GLCE: variants seen among roughly 807,000 people sequenced by gnomAD.
The protein encoded by GLCE is glucuronic acid epimerase, also known as D-glucuronyl C5-epimerase.
Under a neutral mutation model 47.9 loss-of-function variants are expected in GLCE, and 19 were observed. The observed-to-expected ratio is 0.40, with a 90% CI of 0.28 to 0.58. GLCE has a LOEUF of 0.58. GLCE is among the 20% of genes least tolerant of loss of function. The pLI is 0.48. For missense variants in GLCE, 556 were observed against 743.3 expected (o/e 0.75, Z 2.93); for synonymous variants, 245 against 263.4 (o/e 0.93, Z 0.68).
rs139514756 is a variant in GLCE, at chr15:69,236,968, C to T, written c.-13-18826C>T. ...TTTATAAAGGTCCCCACTTCCCAGT[C>T]TCTTGACCTGCCATTCTGTTAACTA... On this transcript the variant is annotated intron_variant, in intron 2 of 4. Coordinates refer to ENST00000261858, the MANE Select transcript of GLCE (RefSeq NM_015554.3). 7.1e-3 allele frequency among the ~76,000 whole-genome samples: 1,082 copies of T among 152,238 alleles called. 16 individuals are homozygous for T. The highest frequency in any genetic ancestry group is 0.025 in the African/African-American group (1,042 of 41,552).
intron 1 of GLCE, among the ~76,000 whole-genome samples, chr15:69,203,958 T>C (rs1368168467): frequency 6.6e-6 from 1 of 152,120 alleles, no homozygotes; most frequent in Non-Finnish European, 1.5e-5. Context: ...AAGGTACATG[T>C]AGGAACCAGA....
At chr15:69,218,924 A>G (rs548501833) in intron 2 of GLCE, among the ~76,000 whole-genome samples, 2 of 152,314 alleles carry the variant, frequency 1.3e-5, no homozygotes, top group South Asian at 4.1e-4. Context: ...AACTCTTAAA[A>G]TGATACTTAG....
At chr15:69,176,968 A>C (rs1168268869) in intron 1 of GLCE, among the ~76,000 whole-genome samples, 1 of 152,016 alleles carries the variant, frequency 6.6e-6, no homozygotes, top group Non-Finnish European at 1.5e-5. Flanking sequence ...TTGAACTATG[A>C]CTTTGAAAAA....
At chr15:69,191,987 C>G (rs924661584) in intron 1 of GLCE, among the ~76,000 whole-genome samples, 6 of 152,108 alleles carry the variant, frequency 3.9e-5, no homozygotes, top group African/African-American at 1.4e-4. Context: ...ACCTTTTTAC[C>G]TCTGGCTGCT....
At chr15:69,165,299 C>T (rs1195644722) in intron 1 of GLCE, among the ~76,000 whole-genome samples, 1 of 152,164 alleles carries the variant, frequency 6.6e-6, no homozygotes, top group Non-Finnish European at 1.5e-5. Context: ...CAAGGCCTTT[C>T]ATCATCTGAC....
chr15:69,228,985 A>G (rs760597740), intron 2 of GLCE, among the ~76,000 whole-genome samples: 14 of 152,190 alleles, frequency 9.2e-5, no homozygotes, highest in Admixed American at 2.0e-4. Flanking sequence ...AAACCAAAAT[A>G]TATTTCATTT....
chr15:69,268,255 A>G lies in GLCE; in HGVS notation c.865A>G (p.Thr289Ala), dbSNP rs2053113228. Residue 289 changes from threonine to alanine, a missense_variant, in exon 5 of 5, where the codon ACA (threonine) becomes GCA (alanine). By Grantham distance (58) the Thr-to-Ala change is moderately conservative. Around this residue, in one of 3 missense-constraint regions of GLCE, gnomAD observed 74 missense variants for 64.4 expected, o/e 1.15. Transcript: ENST00000261858. ...AGGTGTATCCTTGCAACTGGGAAAC[A>G]CAAAAGATTTTATTATTTCATTTGA... The part of the protein sequence containing the change: ...SEGVSLQLGN[T>A]KDFIISFDLK... 2.5e-6 allele frequency: 4 copies of G among 1,611,056 alleles called. No individual in the cohort carries two copies. The highest frequency in any genetic ancestry group is 3.4e-6 in the Non-Finnish European group (4 of 1,178,676).
At chr15:69,171,439 C>T (rs532011763) in intron 1 of GLCE, among the ~76,000 whole-genome samples, 48 of 151,336 alleles carry the variant, frequency 3.2e-4, no homozygotes, top group East Asian at 1.6e-3. Context: ...CACTGTCGCC[C>T]GGGCTGGAGT....
At chr15:69,212,484 A>G (rs537709329) in intron 2 of GLCE, among the ~76,000 whole-genome samples, 10 of 152,044 alleles carry the variant, frequency 6.6e-5, no homozygotes, top group Non-Finnish European at 1.3e-4. Context: ...GTCATTGCCA[A>G]TTTGATAGTA....
At chr15:69,175,873 A>C (rs1007491985) in intron 1 of GLCE, among the ~76,000 whole-genome samples, 67 of 152,334 alleles carry the variant, frequency 4.4e-4, no homozygotes, top group African/African-American at 1.6e-3. Context: ...AATTAAAACA[A>C]ATAAAGTTTC....
At chr15:69,215,534 T>TA in intron 2 of GLCE, among the ~76,000 whole-genome samples, 1 of 113,296 alleles carries the variant, frequency 8.8e-6, no homozygotes, top group African/African-American at 3.2e-5. Context: ...TACATTTACA[T>TA]AAAGGGTGTG....
Position 69,269,021 on chromosome 15 carries a change from C to T in GLCE, c.1631C>T (p.Ser544Phe). The change falls in exon 5 of 5, where the codon TCT becomes TTT. Residue 544 changes from serine (S) to phenylalanine (F), a missense_variant. Ser to Phe is a radical substitution (Grantham distance 155, BLOSUM62 -2). Transcript: ENST00000261858. ...TCCTTGTATGAGCGTGGCATGGAAT[C>T]TCTTAAAGCCATGCTGCCCTTGTAT... ...ARSLYERGME[S>F]LKAMLPLYDT... 1 of 1,614,086 alleles carries T rather than the reference C, an allele frequency of 6.2e-7. No individual in the cohort carries two copies. The highest frequency in any genetic ancestry group is 8.5e-7 in the Non-Finnish European group (1 of 1,179,906).
chr15:69,208,395 A>G (rs986335536), intron 1 of GLCE, among the ~76,000 whole-genome samples: 2 of 152,018 alleles, frequency 1.3e-5, no homozygotes, highest in East Asian at 1.9e-4. Flanking sequence ...TGAAAAGACA[A>G]TCCTTTCCTC....
At chr15:69,201,163 A>G (rs2052072114) in intron 1 of GLCE, among the ~76,000 whole-genome samples, 2 of 152,086 alleles carry the variant, frequency 1.3e-5, no homozygotes, top group Admixed American at 1.3e-4. Context: ...CCTGGATAAT[A>G]CAGAGTAATC....
intron 4 of GLCE, among the ~76,000 whole-genome samples, chr15:69,263,212 A>T (rs973771813): frequency 2.6e-5 from 4 of 152,110 alleles, no homozygotes; most frequent in Admixed American, 2.6e-4. Flanking sequence ...GTTACATGGG[A>T]GTTATTGCTC....
At chr15:69,170,884 T>A (rs1042122630) in intron 1 of GLCE, among the ~76,000 whole-genome samples, 1 of 152,194 alleles carries the variant, frequency 6.6e-6, no homozygotes, top group Non-Finnish European at 1.5e-5. Context: ...AAAAGCCAAG[T>A]TTTTGAAAAT....
chr15:69,175,392 C>T (rs1250931056), intron 1 of GLCE, among the ~76,000 whole-genome samples: 7 of 152,046 alleles, frequency 4.6e-5, no homozygotes, highest in East Asian at 1.9e-4. Flanking sequence ...TATTTCAAAA[C>T]GAAATTTCTT....
chr15:69,197,114 G>T, intron 1 of GLCE: 1 of 360,572 alleles, frequency 2.8e-6, no homozygotes, highest in South Asian at 2.3e-5. Flanking sequence ...CCTGCAGCCA[G>T]CATTGATCAA....
chr15:69,255,771 T>A, intron 2 of GLCE, 23 bp from the exon 3 acceptor site: 2 of 1,414,784 alleles, frequency 1.4e-6, no homozygotes, highest in Non-Finnish European at 2.0e-6. Context: ...TTTGCATGAT[T>A]TTTTTTCTTC....
Sources: gnomAD v4.1 joint callset for allele counts (sites outside exome capture counted in the v4.1 genomes callset) on GRCh38, gnomAD v4.1.1 for gene constraint, gnomAD v4.1.1 regional missense constraint, MANE v1.5 for transcripts, NCBI Gene and HGNC (gene_info 2026-07-23, HGNC 2026-07-21) for gene names.